The following GABRA3 variants were observed in gnomAD, a reference collection of about 807,000 sequenced individuals.
GABRA3 encodes the protein gamma-aminobutyric acid type A receptor subunit alpha3.
GABRA3 carries 10 observed loss-of-function variants against 30.1 expected under a neutral mutation model. The observed-to-expected ratio is 0.33, with a 90% CI of 0.20 to 0.56. The LOEUF (loss-of-function observed/expected upper bound fraction) is 0.56. Ranked by LOEUF, GABRA3 falls within the 20% of genes least tolerant of loss-of-function variation. The pLI, the probability that GABRA3 is intolerant of heterozygous loss-of-function variation, is 0.89. For synonymous variants in GABRA3, 151 were observed against 146.8 expected, an observed-to-expected ratio of 1.03 and a Z score of -0.21; for missense variants, 233 against 392.0, an observed-to-expected ratio of 0.59 and a Z score of 3.42.
intron 1 of GABRA3, among the ~76,000 whole-genome samples, chrX:152,381,704 C>A (rs1029430511): frequency 1.8e-5 from 2 of 109,684 alleles, no homozygotes; most frequent in Non-Finnish European, 3.8e-5. Context: ...CCCTAACCCC[C>A]CCCACCCACC....
intron 5 of GABRA3, among the ~76,000 whole-genome samples, chrX:152,230,868 A>T (rs1392679724): frequency 3.6e-5 from 4 of 110,534 alleles, no homozygotes; most frequent in African/African-American, 1.3e-4. Flanking sequence ...ATAGGAGAAA[A>T]TCTTTGTTAT....
intron 3 of GABRA3, among the ~76,000 whole-genome samples, chrX:152,341,070 G>A (rs1227725006): frequency 9.1e-6 from 1 of 110,359 alleles, no homozygotes; most frequent in African/African-American, 3.3e-5. Flanking sequence ...TTATCACTCT[G>A]TCTGCCTTTG....
chrX:152,273,295 C>T (rs1938980934), intron 4 of GABRA3, among the ~76,000 whole-genome samples: 1 of 112,019 alleles, frequency 8.9e-6, no homozygotes, highest in Non-Finnish European at 1.9e-5. Flanking sequence ...ATTACAGATG[C>T]TTGCAAGGAT....
intron 1 of GABRA3, among the ~76,000 whole-genome samples, chrX:152,396,526 T>C (rs1929666677): frequency 8.9e-6 from 1 of 111,746 alleles, no homozygotes; most frequent in African/African-American, 3.3e-5. Flanking sequence ...AACCCCTAAA[T>C]ATTATCAGGA....
intron 9 of GABRA3, among the ~76,000 whole-genome samples, chrX:152,178,138 A>G (rs1937097514): frequency 8.9e-6 from 1 of 111,804 alleles, no homozygotes; most frequent in Non-Finnish European, 1.9e-5. Context: ...GTGTATATAT[A>G]TATGGATATA....
intron 9 of GABRA3, among the ~76,000 whole-genome samples, chrX:152,182,834 A>C (rs866519151): frequency 1.1e-5 from 1 of 88,091 alleles, no homozygotes; most frequent in Non-Finnish European, 2.2e-5. Context: ...ACATATATAT[A>C]GTATATAAAT....
intron 3 of GABRA3, among the ~76,000 whole-genome samples, chrX:152,340,822 T>C (rs1359232569): frequency 1.8e-5 from 2 of 111,863 alleles, no homozygotes; most frequent in Non-Finnish European, 3.8e-5. Context: ...GTCCTTGGAG[T>C]TGTTGACTTT....
intron 3 of GABRA3, among the ~76,000 whole-genome samples, chrX:152,290,767 G>A (rs184461852): frequency 2.1e-3 from 231 of 111,976 alleles, no homozygotes; most frequent in African/African-American, 7.3e-3. Flanking sequence ...TTATTAAATA[G>A]GGAATCCTTT....
chrX:152,395,055 C>G (rs1478629729), intron 1 of GABRA3, among the ~76,000 whole-genome samples: 1 of 110,156 alleles, frequency 9.1e-6, no homozygotes, highest in African/African-American at 3.3e-5. Flanking sequence ...GGTATGTAAT[C>G]AAAAATAACC....
At chrX:152,397,719 A>G (rs1158581922) in intron 1 of GABRA3, among the ~76,000 whole-genome samples, 1 of 111,577 alleles carries the variant, frequency 9.0e-6, no homozygotes, top group African/African-American at 3.3e-5. Flanking sequence ...TTTTCTTTCT[A>G]ATTTTCTTAC....
At chrX:152,372,320 C>T (rs974719374) in intron 1 of GABRA3, among the ~76,000 whole-genome samples, 2 of 111,510 alleles carry the variant, frequency 1.8e-5, no homozygotes, top group African/African-American at 6.5e-5. Flanking sequence ...TTTCGGTCTC[C>T]CCTACTCATA....
intron 4 of GABRA3, among the ~76,000 whole-genome samples, chrX:152,259,873 A>AT (rs768993879): frequency 9.1e-6 from 1 of 109,470 alleles, no homozygotes; most frequent in Non-Finnish European, 1.9e-5. Context: ...AGTAAATGGG[A>AT]TTTTTTTATT....
intron 1 of GABRA3, among the ~76,000 whole-genome samples, chrX:152,411,162 G>T (rs890841160): frequency 9.1e-6 from 1 of 110,007 alleles, no homozygotes; most frequent in Non-Finnish European, 1.9e-5. Flanking sequence ...TAAAAAATAA[G>T]AAATCAGGTG....
At chrX:152,429,983 T>C (rs1041061834) in intron 1 of GABRA3, among the ~76,000 whole-genome samples, 2 of 112,295 alleles carry the variant, frequency 1.8e-5, no homozygotes, top group Non-Finnish European at 3.8e-5. Flanking sequence ...AAACTAATCA[T>C]AGAGAATTCT....
intron 3 of GABRA3, among the ~76,000 whole-genome samples, chrX:152,340,579 G>T (rs1169708555): frequency 9.0e-6 from 1 of 111,594 alleles, no homozygotes; most frequent in African/African-American, 3.3e-5. Flanking sequence ...TTTGCCTTTT[G>T]GGGGGAAATT....
At chrX:152,270,931 C>T (rs1603229998) in intron 4 of GABRA3, among the ~76,000 whole-genome samples, 1 of 106,278 alleles carries the variant, frequency 9.4e-6, no homozygotes, top group Non-Finnish European at 1.9e-5. Flanking sequence ...AAGACAGGAA[C>T]ATGTGGGAAT....
At chrX:152,273,749 A>G (rs760443344) in intron 4 of GABRA3, among the ~76,000 whole-genome samples, 15 of 111,771 alleles carry the variant, frequency 1.3e-4, no homozygotes, top group Non-Finnish European at 2.4e-4. Context: ...GAGCTAATGA[A>G]GATAGAGAAT....
At chrX:152,271,846 C>T (rs972359623) in intron 4 of GABRA3, among the ~76,000 whole-genome samples, 3 of 111,754 alleles carry the variant, frequency 2.7e-5, no homozygotes, top group African/African-American at 3.3e-5. Context: ...ATGTATAGCT[C>T]GGGCCATTGC....
intron 3 of GABRA3, among the ~76,000 whole-genome samples, chrX:152,300,940 G>A (rs936628810): frequency 9.0e-6 from 1 of 111,464 alleles, no homozygotes; most frequent in Non-Finnish European, 1.9e-5. Flanking sequence ...AAAGAGATTC[G>A]TGCAGAAAAA....
Sources: gnomAD v4.1 joint callset for allele counts (sites outside exome capture counted in the v4.1 genomes callset) on GRCh38, gnomAD v4.1.1 for gene constraint, MANE v1.5 for transcripts, NCBI Gene and HGNC (gene_info 2026-07-23, HGNC 2026-07-21) for gene names.